FBXO32: variants seen among roughly 807,000 people sequenced by gnomAD.
FBXO32 encodes the protein F-box only protein 32.
FBXO32 carries 15 observed loss-of-function variants against 48.3 expected under a neutral mutation model. The ratio of observed to expected loss-of-function variants is 0.31; its 90% CI spans 0.21 to 0.48. The LOEUF (loss-of-function observed/expected upper bound fraction) is 0.48. Among genes scored for constraint, FBXO32 ranks in the 20% least tolerant of loss-of-function variants. The probability of loss-of-function intolerance (pLI) is 0.99; values close to 1 mark genes in which losing one functional copy is unlikely to be tolerated. For synonymous variants in FBXO32, 154 were observed against 165.9 expected (o/e 0.93, Z 0.55); for missense variants, 309 against 432.7 (o/e 0.71, Z 2.54).
chr8:123,524,665 T>C (rs183294697), intron 4 of FBXO32, among the ~76,000 whole-genome samples: 2 of 152,254 alleles, frequency 1.3e-5, no homozygotes, highest in East Asian at 3.9e-4. Context: ...ACTATAGCAG[T>C]GTGCCATCAA....
chr8:123,527,302 G>C (rs1051810344), intron 4 of FBXO32: 4 of 152,182 alleles, frequency 2.6e-5, no homozygotes, highest in African/African-American at 9.7e-5. Context: ...TTGAATTCAA[G>C]TTCAAGTTCT....
At chr8:123,505,546 G>T (rs1232327996) in intron 7 of FBXO32, among the ~76,000 whole-genome samples, 1 of 152,176 alleles carries the variant, frequency 6.6e-6, no homozygotes, top group African/African-American at 2.4e-5. Context: ...GACCAGCCTG[G>T]CCAACGTGGT....
At chr8:123,520,525 C>T (rs1196987392) in intron 4 of FBXO32, among the ~76,000 whole-genome samples, 2 of 152,104 alleles carry the variant, frequency 1.3e-5, no homozygotes, top group Non-Finnish European at 2.9e-5. Flanking sequence ...CATGCTAGTT[C>T]TGGAGGCAAC....
chr8:123,541,108 C>A lies in FBXO32; in HGVS notation c.-94G>T. 1.4e-6 allele frequency: 1 copy of A among 713,534 alleles called. No individual in the cohort carries two copies. The highest frequency in any genetic ancestry group is 4.3e-5 in the Admixed American group (1 of 23,284). The allele number at this position is 713,534 out of a possible 1,614,324, so 44.2% of individuals were successfully genotyped here. A position where few individuals can be genotyped will look rare whatever the true frequency, so the allele number is the denominator to read the frequency against. ...GGGGCGGATGCTCGGGGTGCAGGGG[C>A]CCGCGACGGGGGCGGCGGGGCGGCG... On this transcript the variant is annotated 5_prime_UTR_variant, in exon 1 of 9. Transcript: ENST00000517956.
At chr8:123,505,663 G>T (rs1816601897) in intron 7 of FBXO32, among the ~76,000 whole-genome samples, 1 of 152,194 alleles carries the variant, frequency 6.6e-6, no homozygotes. Flanking sequence ...TTGAACCAGG[G>T]AGGCAGAGGT....
chr8:123,534,370 A>C (rs969115488), intron 2 of FBXO32, among the ~76,000 whole-genome samples: 2 of 152,234 alleles, frequency 1.3e-5, no homozygotes, highest in African/African-American at 4.8e-5. Flanking sequence ...CAAAGCCTCA[A>C]AACAGTTCAA....
intron 4 of FBXO32, among the ~76,000 whole-genome samples, chr8:123,523,629 AC>A (rs200410929): frequency 2.0e-5 from 3 of 150,900 alleles, no homozygotes; most frequent in East Asian, 4.0e-4. Context: ...ACAACAACAA[AC>A]AAACAAAAAA....
chr8:123,533,278 C>T, intron 2 of FBXO32, 38 bp from the exon 3 acceptor site: 7 of 1,464,026 alleles, frequency 4.8e-6, no homozygotes, highest in Non-Finnish European at 6.7e-6. Context: ...TTAACATCTG[C>T]AACATGCTCA....
At chr8:123,537,550 C>T (rs1004411464) in intron 1 of FBXO32, among the ~76,000 whole-genome samples, 1 of 151,846 alleles carries the variant, frequency 6.6e-6, no homozygotes, top group Non-Finnish European at 1.5e-5. Flanking sequence ...CAATAAAAAC[C>T]ATTTAAGAAA....
rs1051572111 is a variant in FBXO32, at chr8:123,499,438, A to T, written c.*3935T>A. On this transcript the variant is annotated 3_prime_UTR_variant, in exon 9 of 9. Coordinates refer to ENST00000517956, the MANE Select transcript of FBXO32 (RefSeq NM_058229.4). ...TTAGGCCAGCATCCAGTCAGAAGAG[A>T]TAGTTCACAGACTCAGAGTTGGAAA... The T allele has an allele frequency of 3.3e-5, 5 of 151,860 alleles. No homozygotes were observed. Among genetic ancestry groups the T allele is most frequent in the African/African-American group, 1.2e-4 (5 of 41,328 alleles). The allele number at this position is 151,860 out of a possible 1,614,324, so 9.4% of individuals were successfully genotyped here.
At position 123,513,083 on chromosome 8, in the gene FBXO32, A is replaced by G; in HGVS notation, c.651+115T>C. 8.7e-7 allele frequency: 1 copy of G among 1,148,114 alleles called. No individual in the cohort carries two copies. Among genetic ancestry groups the G allele is most frequent in the South Asian group, 1.5e-5 (1 of 66,060 alleles). 71.1% of individuals were successfully genotyped at this position (1,148,114 alleles called of 1,614,324 possible). A position where few individuals can be genotyped will look rare whatever the true frequency, so the allele number is the denominator to read the frequency against. ...CCTCAGCACCAGAACAAAGCAGCAG[A>G]TCAGAAAAGACCAGACTCTTCCGTC... is the stretch of plus-strand genomic sequence containing the variant. On this transcript the variant is annotated intron_variant, in intron 6 of 8. Transcript: ENST00000517956. This position sits in a 1 kb window ranked among gnomAD's most constrained non-coding sequence, Gnocchi z 4.3.
At position 123,540,461 on chromosome 8, in the gene FBXO32, C is replaced by T. The variant is rs1319511040; in HGVS notation, c.116+438G>A. On this transcript the variant is annotated intron_variant, in intron 1 of 8. Coordinates refer to ENST00000517956, the MANE Select transcript of FBXO32 (RefSeq NM_058229.4). The surrounding 1 kb of genome is among the most constrained non-coding windows in gnomAD (Gnocchi z 6.4). ...CGGATCCCGTCACCTGTCGCGTCCA[C>T]AGCGCTTGGGCGCTGGGAGCCGGGC... is the stretch of plus-strand genomic sequence containing the variant. Among the ~76,000 whole-genome samples the T allele has an allele frequency of 6.6e-6, 1 of 152,254 alleles. No homozygotes were observed. The highest frequency in any genetic ancestry group is 1.5e-5 in the Non-Finnish European group (1 of 68,048).
At position 123,499,136 on chromosome 8, in the gene FBXO32, C is replaced by T. The variant is rs1423653302; in HGVS notation, c.*4237G>A. 1 of 152,266 alleles carries T rather than the reference C, an allele frequency of 6.6e-6. No individual in the cohort carries two copies. The highest frequency in any genetic ancestry group is 1.5e-5 in the Non-Finnish European group (1 of 68,054). 9.4% of individuals were successfully genotyped at this position (152,266 alleles called of 1,614,324 possible). A position where few individuals can be genotyped will look rare whatever the true frequency, so the allele number is the denominator to read the frequency against. Reference sequence around the variant, plus strand: ...CCACTGTACCAGGTGGGCTGACGCACATCCCCTAAACATTCTGGATCTCTT... The same window carrying T: ...CCACTGTACCAGGTGGGCTGACGCATATCCCCTAAACATTCTGGATCTCTT... On this transcript the variant is annotated 3_prime_UTR_variant, in exon 9 of 9. Transcript: ENST00000517956.
At chr8:123,524,513 C>G (rs2130539988) in intron 4 of FBXO32, among the ~76,000 whole-genome samples, 1 of 152,286 alleles carries the variant, frequency 6.6e-6, no homozygotes. Context: ...ACAATCACTT[C>G]TGTGCATCAT....
chr8:123,504,737 C>T lies in FBXO32; in HGVS notation c.845G>A (p.Arg282Gln), dbSNP rs372778187. The T allele has an allele frequency of 3.2e-5, 51 of 1,612,620 alleles. No homozygotes were observed. The highest frequency in any genetic ancestry group is 6.7e-5 in the Admixed American group (4 of 59,672). ...CTGCCCTTTGTCTGACAGAATTAAT[C>T]GTTTGCGGATCTAAAAAATCAAATG... ...YHFSERQIRK[R>Q]LILSDKGQLD... The change falls in exon 8 of 9, where the codon CGA becomes CAA. Residue 282 changes from arginine to glutamine, a missense_variant. Transcript: ENST00000517956.
At position 123,500,661 on chromosome 8, in the gene FBXO32, T is replaced by C. The variant is rs560625832; in HGVS notation, c.*2712A>G. On this transcript the variant is annotated 3_prime_UTR_variant, in exon 9 of 9. Transcript: ENST00000517956. ...CCACGTGGCACTAACACAGATATGTTGTGCCTGCTGTGCTCTTCCCATTGT... is the reference window on the plus strand; with the variant it reads ...CCACGTGGCACTAACACAGATATGTCGTGCCTGCTGTGCTCTTCCCATTGT... The C allele has an allele frequency of 6.6e-6, 1 of 152,366 alleles. No homozygotes were observed. Among genetic ancestry groups the C allele is most frequent in the Admixed American group, 6.5e-5 (1 of 15,310 alleles). 9.4% of individuals were successfully genotyped at this position (152,366 alleles called of 1,614,324 possible). A position where few individuals can be genotyped will look rare whatever the true frequency, so the allele number is the denominator to read the frequency against.
At chr8:123,533,537 G>A (rs188023239) in intron 2 of FBXO32, among the ~76,000 whole-genome samples, 7 of 152,314 alleles carry the variant, frequency 4.6e-5, no homozygotes, top group Non-Finnish European at 1.0e-4. Flanking sequence ...GCCAGATGCA[G>A]TGGCTCATGC....
rs1354921145 is a variant in FBXO32 at position 123,541,132 on chromosome 8, C to T, written c.-118G>A. ...GCCCGCGACGGGGGCGGCGGGGCGG[C>T]GGGAACGGCGCGGGGCACCCTGCGG... is the stretch of plus-strand genomic sequence containing the variant. On this transcript the variant is annotated 5_prime_UTR_variant, in exon 1 of 9. Coordinates refer to ENST00000517956, the MANE Select transcript of FBXO32 (RefSeq NM_058229.4). 8 of 503,772 alleles carry T rather than the reference C, an allele frequency of 1.6e-5. No homozygotes were observed. In the Admixed American group the frequency reaches 3.2e-4, roughly 20 times the overall value. The allele number at this position is 503,772 out of a possible 1,614,324, so 31.2% of individuals were successfully genotyped here. A position where few individuals can be genotyped will look rare whatever the true frequency, so the allele number is the denominator to read the frequency against.
At chr8:123,537,808 G>A (rs901314778) in intron 1 of FBXO32, among the ~76,000 whole-genome samples, 1 of 152,040 alleles carries the variant, frequency 6.6e-6, no homozygotes, top group Non-Finnish European at 1.5e-5. Context: ...CCTGCTTCCG[G>A]GTCCAGCCTC....
Sources: gnomAD v4.1 joint callset for allele counts (sites outside exome capture counted in the v4.1 genomes callset) on GRCh38, gnomAD v4.1.1 for gene constraint, Gnocchi (gnomAD v3.1) non-coding constraint, MANE v1.5 for transcripts, NCBI Gene and HGNC (gene_info 2026-07-23, HGNC 2026-07-21) for gene names.